VIT: variants seen among roughly 807,000 people sequenced by gnomAD.
The protein encoded by VIT is vitrin.
A neutral mutation model predicts 78.0 loss-of-function variants in VIT; 99 were observed. That is an observed-to-expected ratio of 1.27 (90% CI 1.08 to 1.50). The LOEUF is 1.50. Among genes scored for constraint, VIT ranks in the 40% most tolerant of loss-of-function variants. The pLI is 0.00. For synonymous variants in VIT, 374 were observed against 334.3 expected (o/e 1.12, Z -1.29); for missense variants, 1,126 against 875.3 (o/e 1.29, Z -3.61).
At chr2:36,702,965 C>T (rs1665160044) in intron 1 of VIT, among the ~76,000 whole-genome samples, 1 of 152,176 alleles carries the variant, frequency 6.6e-6, no homozygotes, top group African/African-American at 2.4e-5. Flanking sequence ...CCTCCATGCA[C>T]CTGACTCAGA....
At chr2:36,802,274 A>T (rs1388943252) in intron 13 of VIT, among the ~76,000 whole-genome samples, 1 of 152,206 alleles carries the variant, frequency 6.6e-6, no homozygotes, top group Non-Finnish European at 1.5e-5. Context: ...ATGCCAGTGT[A>T]TTCATTTGTA....
chr2:36,777,275 T>C (rs927558408), intron 9 of VIT, among the ~76,000 whole-genome samples: 1 of 151,612 alleles, frequency 6.6e-6, no homozygotes, highest in Non-Finnish European at 1.5e-5. Context: ...TCTGAGAGCA[T>C]AAGAAGGCTG....
intron 11 of VIT, among the ~76,000 whole-genome samples, chr2:36,786,683 G>C (rs1010051322): frequency 2.6e-5 from 4 of 152,210 alleles, no homozygotes; most frequent in Non-Finnish European, 5.9e-5. Flanking sequence ...CCTCAGTGCT[G>C]GCCTTGCAGA....
intron 15 of VIT, among the ~76,000 whole-genome samples, chr2:36,811,595 A>G (rs535782749): frequency 2.6e-5 from 4 of 152,312 alleles, no homozygotes; most frequent in East Asian, 1.9e-4. Flanking sequence ...TAGAATTGCC[A>G]GTAGGAGATT....
At chr2:36,703,265 T>A (rs1471081168) in intron 1 of VIT, among the ~76,000 whole-genome samples, 1 of 152,088 alleles carries the variant, frequency 6.6e-6, no homozygotes, top group Admixed American at 6.6e-5. Flanking sequence ...AGCAAAAACT[T>A]CTTAAAGACA....
chr2:36,798,483 A>G (rs6544041), intron 12 of VIT, among the ~76,000 whole-genome samples: 106,710 of 151,332 alleles, frequency 0.71, 37,955 homozygotes, highest in Admixed American at 0.82. Flanking sequence ...CCAGCCACGT[A>G]CAGTGGCTCA....
At chr2:36,804,113 A>G (rs1666532115) in intron 13 of VIT, among the ~76,000 whole-genome samples, 3 of 152,226 alleles carry the variant, frequency 2.0e-5, no homozygotes, top group Non-Finnish European at 4.4e-5. Context: ...AGTGTGAAAT[A>G]TGCACTTGGA....
chr2:36,760,142 C>A (rs1455276301), intron 6 of VIT, among the ~76,000 whole-genome samples: 1 of 151,988 alleles, frequency 6.6e-6, no homozygotes, highest in Non-Finnish European at 1.5e-5. Flanking sequence ...CTACAGGCAC[C>A]TGCCACCACG....
chr2:36,720,617 A>G (rs959472084), intron 2 of VIT, among the ~76,000 whole-genome samples: 2 of 152,254 alleles, frequency 1.3e-5, no homozygotes, highest in African/African-American at 4.8e-5. Context: ...TACATACTGT[A>G]TCGAATCTAC....
chr2:36,787,257 A>G lies in VIT; in HGVS notation c.1039A>G (p.Met347Val). 1.2e-6 allele frequency: 2 copies of G among 1,614,176 alleles called. No individual in the cohort carries two copies. Among genetic ancestry groups the G allele is most frequent in the Non-Finnish European group, 1.7e-6 (2 of 1,180,022 alleles). Residue 347 changes from methionine (M) to valine (V), a missense_variant, in exon 12 of 16, where the codon ATG becomes GTG. Physicochemically the swap from Met to Val is conservative, Grantham distance 21. Coordinates refer to ENST00000379242, the MANE Select transcript of VIT (RefSeq NM_053276.4). ...ALDIGPAGPLMGVVQYGDNPA... is the reference protein window; with the variant it reads ...ALDIGPAGPLVGVVQYGDNPA... ...TGACATTGGCCCTGCCGGTCCACTG[A>G]TGGGTGTTGTCCAGTATGGGTAAGT... is the stretch of plus-strand genomic sequence containing the variant.
At chr2:36,764,836 G>A (rs1669323508) in intron 6 of VIT, among the ~76,000 whole-genome samples, 1 of 152,080 alleles carries the variant, frequency 6.6e-6, no homozygotes, top group Non-Finnish European at 1.5e-5. Flanking sequence ...CACTTGTCCA[G>A]GACTATGATT....
intron 13 of VIT, among the ~76,000 whole-genome samples, chr2:36,802,319 A>G (rs1666391148): frequency 6.6e-6 from 1 of 152,162 alleles, no homozygotes; most frequent in African/African-American, 2.4e-5. Flanking sequence ...CTGGAGGGAG[A>G]CTGTCCACCT....
intron 12 of VIT, among the ~76,000 whole-genome samples, chr2:36,791,373 C>A (rs1665491672): frequency 6.6e-6 from 1 of 152,162 alleles, no homozygotes; most frequent in African/African-American, 2.4e-5. Flanking sequence ...GGGGAAGAAG[C>A]AAAATGCCGT....
chr2:36,718,335 C>A (rs571569215), intron 2 of VIT, among the ~76,000 whole-genome samples: 1 of 152,208 alleles, frequency 6.6e-6, no homozygotes, highest in African/African-American at 2.4e-5. Context: ...GGCAAGGGGG[C>A]TCCAGGCATG....
In VIT at chr2:36,743,266, T is replaced by C. The variant is rs767077714; in HGVS notation, c.275+10T>C. ...GCGCTGCCGTACACAGGTGAGTGGTTCTGAGCTACTTAATAACTAACTAGA... is the reference window on the plus strand; with the variant it reads ...GCGCTGCCGTACACAGGTGAGTGGTCCTGAGCTACTTAATAACTAACTAGA... On this transcript the variant is annotated intron_variant, in intron 4 of 15. Transcript: ENST00000379242. 6.3e-7 allele frequency: 1 copy of C among 1,594,990 alleles called. No individual in the cohort carries two copies. Among genetic ancestry groups the C allele is most frequent in the Admixed American group, 1.7e-5 (1 of 59,624 alleles).
chr2:36,740,237 C>G (rs963112266), intron 3 of VIT, among the ~76,000 whole-genome samples: 1 of 152,164 alleles, frequency 6.6e-6, no homozygotes, highest in Non-Finnish European at 1.5e-5. Context: ...AGTTCAAAGA[C>G]CTTCAGAGGA....
chr2:36,776,595 G>A (rs1670060015), intron 9 of VIT, among the ~76,000 whole-genome samples: 1 of 151,602 alleles, frequency 6.6e-6, no homozygotes, highest in Non-Finnish European at 1.5e-5. Flanking sequence ...GAGCTCAAGA[G>A]TTCGAGACGA....
At chr2:36,745,222 T>C (rs1349822367) in intron 4 of VIT, among the ~76,000 whole-genome samples, 1 of 152,042 alleles carries the variant, frequency 6.6e-6, no homozygotes, top group Non-Finnish European at 1.5e-5. Flanking sequence ...TGCTGTAGCC[T>C]TGTAGTATTA....
chr2:36,773,722 T>A, intron 7 of VIT, 69 bp from the exon 8 acceptor site: 2 of 1,356,744 alleles, frequency 1.5e-6, no homozygotes, highest in Admixed American at 5.3e-5. Context: ...AGACTCCGAC[T>A]CAAAAATAAA....
Sources: allele counts gnomAD v4.1 joint callset (sites outside exome capture counted in the v4.1 genomes callset), GRCh38; gene constraint gnomAD v4.1.1; transcripts MANE v1.5; gene names NCBI Gene and HGNC (gene_info 2026-07-23, HGNC 2026-07-21).